Variants in GPR27 observed in about 807,000 individuals in gnomAD.
GPR27 encodes probable G protein-coupled receptor 27.
A neutral mutation model predicts 2.4 loss-of-function variants in GPR27; 3 were observed. That is an observed-to-expected ratio of 1.23 (90% confidence interval 0.56 to 3.18). GPR27 has a LOEUF of 3.18. GPR27 is among the 30% of genes most tolerant of loss of function. The pLI, the probability that GPR27 is intolerant of heterozygous loss-of-function variation, is 0.03. For missense variants in GPR27, 526 were observed against 566.1 expected, an observed-to-expected ratio of 0.93 and a Z score of 0.72; for synonymous variants, 367 against 296.4, an observed-to-expected ratio of 1.24 and a Z score of -2.45.
chr3:71,754,114 T>C lies in GPR27; in HGVS notation c.65T>C (p.Leu22Pro), dbSNP rs368814433. 2.8e-6 allele frequency: 4 copies of C among 1,413,648 alleles called. No homozygotes were observed. The highest frequency in any genetic ancestry group is 2.5e-4 in the Middle Eastern group (1 of 3,928). The allele number at this position is 1,413,648 out of a possible 1,614,324, so 87.6% of individuals were successfully genotyped here. Reference sequence around the variant, plus strand: ...GAGGCGGCCGCCCTGGGCCTCAAGCTGGCCACGCTCAGCCTGCTGCTGTGC... The same window carrying C: ...GAGGCGGCCGCCCTGGGCCTCAAGCCGGCCACGCTCAGCCTGCTGCTGTGC... ...GGEAAALGLK[L>P]ATLSLLLCVS... The change falls in exon 1 of 1, where the codon CTG becomes CCG. Residue 22 changes from leucine to proline, a missense_variant. By Grantham distance (98) the Leu-to-Pro change is moderately conservative (BLOSUM62 -3). This residue lies in a region of GPR27 where 312 missense variants were observed against 318.4 expected (regional missense o/e 0.98). Transcript: ENST00000304411. The surrounding 1 kb of genome is among the most constrained non-coding windows in gnomAD (Gnocchi z 5.8).
In GPR27 at chr3:71,755,256, C is replaced by A; in HGVS notation, c.*79C>A. On this transcript the variant is annotated 3_prime_UTR_variant, in exon 1 of 1. Transcript: ENST00000304411. The stretch of plus-strand genomic sequence containing the variant: ...GTGACGTTGTATCTTTTCCTTCTGG[C>A]CCCTGTTTAATTTTCTAAGCTGCCT... The A allele has an allele frequency of 8.5e-7, 1 of 1,179,458 alleles. No homozygotes were observed. Among genetic ancestry groups the A allele is most frequent in the Non-Finnish European group, 1.2e-6 (1 of 853,440 alleles). 73.1% of individuals were successfully genotyped at this position (1,179,458 alleles called of 1,614,324 possible). A position where few individuals can be genotyped will look rare whatever the true frequency, so the allele number is the denominator to read the frequency against.
At position 71,754,430 on chromosome 3, in the gene GPR27, C is replaced by T. The variant is rs748718361; in HGVS notation, c.381C>T (p.His127=). 26 of 1,359,144 alleles carry T rather than the reference C, an allele frequency of 1.9e-5. No individual in the cohort carries two copies. The African/African-American group carries it at 3.5e-4, about 18-fold the overall frequency. The allele number at this position is 1,359,144 out of a possible 1,614,324, so 84.2% of individuals were successfully genotyped here. ...GVTRYLAIAH[H]RFYAERLAGW... ...CCCGCTACCTGGCCATCGCGCACCA[C>T]CGCTTCTATGCAGAGCGCCTGGCCG... Residue 127 remains histidine (H), a synonymous_variant, in exon 1 of 1, where the codon CAC becomes CAT. Transcript: ENST00000304411. This position sits in a 1 kb window ranked among gnomAD's most constrained non-coding sequence, Gnocchi z 5.8.
rs1253085066 is a variant in GPR27, at chr3:71,755,398, G to T, written c.*221G>T. 3 of 556,574 alleles carry T rather than the reference G, an allele frequency of 5.4e-6. No individual in the cohort carries two copies. Among genetic ancestry groups the T allele is most frequent in the Non-Finnish European group, 9.5e-6 (3 of 314,636 alleles). 34.5% of individuals were successfully genotyped at this position (556,574 alleles called of 1,614,324 possible). The stretch of plus-strand genomic sequence containing the variant: ...CTCCGCACATTCGTCCTCCTAACTC[G>T]ACTTTCTTCCTGACAATAGGCCCTG... On this transcript the variant is annotated 3_prime_UTR_variant, in exon 1 of 1. Coordinates refer to ENST00000304411, the MANE Select transcript of GPR27 (RefSeq NM_018971.3).
chr3:71,754,143 A>T lies in GPR27; in HGVS notation c.94A>T (p.Ser32Cys), dbSNP rs890435421. The change falls in exon 1 of 1, where the codon AGC (serine) becomes TGC (cysteine). Residue 32 changes from serine (S) to cysteine (C), a missense_variant. Around this residue, in one of 3 missense-constraint regions of GPR27, gnomAD observed 312 missense variants for 318.4 expected, o/e 0.98. Coordinates refer to ENST00000304411, the MANE Select transcript of GPR27 (RefSeq NM_018971.3). This position sits in a 1 kb window ranked among gnomAD's most constrained non-coding sequence, Gnocchi z 5.8. Reference sequence around the variant, plus strand: ...CACGCTCAGCCTGCTGCTGTGCGTGAGCCTAGCGGGCAACGTGCTGTTCGC... The same window carrying T: ...CACGCTCAGCCTGCTGCTGTGCGTGTGCCTAGCGGGCAACGTGCTGTTCGC... ...LATLSLLLCVSLAGNVLFALL... is the reference protein window; with the variant it reads ...LATLSLLLCVCLAGNVLFALL... The T allele has an allele frequency of 6.9e-7, 1 of 1,456,482 alleles. No homozygotes were observed. The highest frequency in any genetic ancestry group is 9.1e-7 in the Non-Finnish European group (1 of 1,096,760). The allele number at this position is 1,456,482 out of a possible 1,614,324, so 90.2% of individuals were successfully genotyped here.
At position 71,755,043 on chromosome 3, in the gene GPR27, G is replaced by A. The variant is rs1233182499; in HGVS notation, c.994G>A (p.Gly332Ser). Residue 332 changes from glycine (G) to serine (S), a missense_variant, in exon 1 of 1, where the codon GGC becomes AGC. This residue lies in a region of GPR27 where 116 missense variants were observed against 100.9 expected (regional missense o/e 1.15). Transcript: ENST00000304411. ...CGTGTGGCTGACCTTCGCGCAGGCC[G>A]GCATCAACCCCGTCGTGTGCTTCCT... ...ASVWLTFAQAGINPVVCFLFN... is the reference protein window; with the variant it reads ...ASVWLTFAQASINPVVCFLFN... 9.3e-6 allele frequency: 15 copies of A among 1,612,222 alleles called. No individual in the cohort carries two copies. The highest frequency in any genetic ancestry group is 1.1e-5 in the Non-Finnish European group (13 of 1,179,976).
rs1283913701 is a variant in GPR27 at position 71,755,058 on chromosome 3, G to T, written c.1009G>T (p.Val337Leu). The part of the protein sequence containing the change: ...TFAQAGINPV[V>L]CFLFNRELRD... The stretch of plus-strand genomic sequence containing the variant: ...CGCGCAGGCCGGCATCAACCCCGTC[G>T]TGTGCTTCCTCTTCAACAGGGAGCT... The change falls in exon 1 of 1, where the codon GTG becomes TTG. Residue 337 changes from valine (V) to leucine (L), a missense_variant. Val to Leu is a conservative substitution (Grantham distance 32, BLOSUM62 1). This residue lies in a region of GPR27 where 116 missense variants were observed against 100.9 expected (regional missense o/e 1.15). Transcript: ENST00000304411. 1 of 1,611,844 alleles carries T rather than the reference G, an allele frequency of 6.2e-7. No individual in the cohort carries two copies. The highest frequency in any genetic ancestry group is 1.7e-5 in the Admixed American group (1 of 60,000).
In GPR27 at chr3:71,754,427, C is replaced by T; in HGVS notation, c.378C>T (p.His126=). The change falls in exon 1 of 1, where the codon CAC becomes CAT. Residue 126 remains histidine, a synonymous_variant. Transcript: ENST00000304411. This position sits in a 1 kb window ranked among gnomAD's most constrained non-coding sequence, Gnocchi z 5.8. ...VGVTRYLAIA[H]HRFYAERLAG... ...TCACCCGCTACCTGGCCATCGCGCA[C>T]CACCGCTTCTATGCAGAGCGCCTGG... 1 of 1,358,874 alleles carries T rather than the reference C, an allele frequency of 7.4e-7. No individual in the cohort carries two copies. Among genetic ancestry groups the T allele is most frequent in the Non-Finnish European group, 9.5e-7 (1 of 1,048,020 alleles). The allele number at this position is 1,358,874 out of a possible 1,614,324, so 84.2% of individuals were successfully genotyped here.
chr3:71,754,334 C>T lies in GPR27; in HGVS notation c.285C>T (p.Cys95=), dbSNP rs753481048. The change falls in exon 1 of 1, where the codon TGC becomes TGT. Residue 95 remains cysteine, a synonymous_variant. Transcript: ENST00000304411. The surrounding 1 kb of genome is among the most constrained non-coding windows in gnomAD (Gnocchi z 5.8). ...GGGCGCCGCCGGGCGCGCTGGGCTGCAAGCTGCTCGCCTTCCTGGCCGCGC... is the reference window on the plus strand; with the variant it reads ...GGGCGCCGCCGGGCGCGCTGGGCTGTAAGCTGCTCGCCTTCCTGGCCGCGC... ...AAGAPPGALG[C]KLLAFLAALF... 13 of 1,267,248 alleles carry T rather than the reference C, an allele frequency of 1.0e-5. No individual in the cohort carries two copies. The South Asian group carries it at 3.0e-4, about 29-fold the overall frequency. The allele number at this position is 1,267,248 out of a possible 1,614,324, so 78.5% of individuals were successfully genotyped here. A position where few individuals can be genotyped will look rare whatever the true frequency, so the allele number is the denominator to read the frequency against.
chr3:71,756,327 A>G lies in GPR27; in HGVS notation c.*1150A>G, dbSNP rs978336987. 2 of 152,222 alleles carry G rather than the reference A, an allele frequency of 1.3e-5. No individual in the cohort carries two copies. Among genetic ancestry groups the G allele is most frequent in the African/African-American group, 4.8e-5 (2 of 41,466 alleles). 9.4% of individuals were successfully genotyped at this position (152,222 alleles called of 1,614,324 possible). ...TAATGAGAACTATAATTTAAATAAT[A>G]TTTCTTTGTTAGACATTATAATGTT... On this transcript the variant is annotated 3_prime_UTR_variant, in exon 1 of 1. Coordinates refer to ENST00000304411, the MANE Select transcript of GPR27 (RefSeq NM_018971.3).
In GPR27 at chr3:71,754,227, C is replaced by T; in HGVS notation, c.178C>T (p.Leu60=). 7.5e-7 allele frequency: 1 copy of T among 1,338,130 alleles called. No homozygotes were observed. The highest frequency in any genetic ancestry group is 1.6e-5 in the South Asian group (1 of 62,650). 82.9% of individuals were successfully genotyped at this position (1,338,130 alleles called of 1,614,324 possible). A position where few individuals can be genotyped will look rare whatever the true frequency, so the allele number is the denominator to read the frequency against. ...HRAPYYLLLD[L]CLADGLRALA... ...CGCCCCGTACTACCTGCTGCTCGAC[C>T]TGTGCCTGGCCGACGGGCTGCGCGC... The change falls in exon 1 of 1, where the codon CTG becomes TTG. Residue 60 remains leucine, a synonymous_variant. Transcript: ENST00000304411. This position sits in a 1 kb window ranked among gnomAD's most constrained non-coding sequence, Gnocchi z 5.8.
rs754355056 is a variant in GPR27, at chr3:71,755,191, A to T, written c.*14A>T. 6.4e-7 allele frequency: 1 copy of T among 1,569,482 alleles called. No individual in the cohort carries two copies. The highest frequency in any genetic ancestry group is 8.6e-7 in the Non-Finnish European group (1 of 1,158,490). ...ATTGGTTTATGAGGGAGGCCCCGCC[A>T]CATAGACCCCCAACCCAGCCTTTCC... On this transcript the variant is annotated 3_prime_UTR_variant, in exon 1 of 1. Coordinates refer to ENST00000304411, the MANE Select transcript of GPR27 (RefSeq NM_018971.3).
rs1033736119 is a variant in GPR27 at position 71,756,130 on chromosome 3, C to T, written c.*953C>T. ...GAAATGGCTTGTGCTTTGAGAAGCC[C>T]AGTTTTATTCTGTCTTATGAAACTA... On this transcript the variant is annotated 3_prime_UTR_variant, in exon 1 of 1. Coordinates refer to ENST00000304411, the MANE Select transcript of GPR27 (RefSeq NM_018971.3). 3 of 152,018 alleles carry T rather than the reference C, an allele frequency of 2.0e-5. No individual in the cohort carries two copies. Among genetic ancestry groups the T allele is most frequent in the Non-Finnish European group, 4.4e-5 (3 of 68,020 alleles). The allele number at this position is 152,018 out of a possible 1,614,324, so 9.4% of individuals were successfully genotyped here. A position where few individuals can be genotyped will look rare whatever the true frequency, so the allele number is the denominator to read the frequency against.
In GPR27 at chr3:71,755,058, G is replaced by A. The variant is rs1283913701; in HGVS notation, c.1009G>A (p.Val337Met). ...CGCGCAGGCCGGCATCAACCCCGTC[G>A]TGTGCTTCCTCTTCAACAGGGAGCT... Reference protein sequence around the residue: ...TFAQAGINPVVCFLFNRELRD... With the variant: ...TFAQAGINPVMCFLFNRELRD... Residue 337 changes from valine to methionine, a missense_variant, in exon 1 of 1, where the codon GTG becomes ATG. Val to Met is a conservative substitution (Grantham distance 21, BLOSUM62 1). Coordinates refer to ENST00000304411, the MANE Select transcript of GPR27 (RefSeq NM_018971.3). 3 of 1,611,726 alleles carry A rather than the reference G, an allele frequency of 1.9e-6. No individual in the cohort carries two copies. The highest frequency in any genetic ancestry group is 1.3e-5 in the African/African-American group (1 of 74,886).
Position 71,754,510 on chromosome 3 carries a change from C to T in GPR27, c.461C>T (p.Ala154Val). The T allele has an allele frequency of 3.9e-6, 5 of 1,292,144 alleles. No individual in the cohort carries two copies. The highest frequency in any genetic ancestry group is 4.9e-6 in the Non-Finnish European group (5 of 1,021,750). 80.0% of individuals were successfully genotyped at this position (1,292,144 alleles called of 1,614,324 possible). A position where few individuals can be genotyped will look rare whatever the true frequency, so the allele number is the denominator to read the frequency against. Reference sequence around the variant, plus strand: ...GCCGCCTGGGCGCTGGCGCTGGCCGCGGCCTTCCCGCCAGTGCTGGACGGC... The same window carrying T: ...GCCGCCTGGGCGCTGGCGCTGGCCGTGGCCTTCCCGCCAGTGCTGGACGGC... The part of the protein sequence containing the change: ...VCAAWALALA[A>V]AFPPVLDGGG... The change falls in exon 1 of 1, where the codon GCG becomes GTG. Residue 154 changes from alanine to valine, a missense_variant. Ala to Val is a moderately conservative substitution (Grantham distance 64, BLOSUM62 0). Coordinates refer to ENST00000304411, the MANE Select transcript of GPR27 (RefSeq NM_018971.3). This position sits in a 1 kb window ranked among gnomAD's most constrained non-coding sequence, Gnocchi z 5.8.
chr3:71,754,645 T>C lies in GPR27; in HGVS notation c.596T>C (p.Leu199Pro). 1 of 1,491,824 alleles carries C rather than the reference T, an allele frequency of 6.7e-7. No homozygotes were observed. Among genetic ancestry groups the C allele is most frequent in the Admixed American group, 2.1e-5 (1 of 48,186 alleles). The allele number at this position is 1,491,824 out of a possible 1,614,324, so 92.4% of individuals were successfully genotyped here. The change falls in exon 1 of 1, where the codon CTC becomes CCC. Residue 199 changes from leucine (L) to proline (P), a missense_variant. Transcript: ENST00000304411. The surrounding 1 kb of genome is among the most constrained non-coding windows in gnomAD (Gnocchi z 5.8). ...GCCGTGGTGGTGGGCGCCACGCACCTCGTCTACCTCCGCCTGCTCTTCTTC... is the reference window on the plus strand; with the variant it reads ...GCCGTGGTGGTGGGCGCCACGCACCCCGTCTACCTCCGCCTGCTCTTCTTC... The part of the protein sequence containing the change: ...LLAVVVGATH[L>P]VYLRLLFFIH...
rs780857132 is a variant in GPR27 at position 71,755,489 on chromosome 3, A to C, written c.*312A>C. 1 of 317,880 alleles carries C rather than the reference A, an allele frequency of 3.1e-6. No homozygotes were observed. 19.7% of individuals were successfully genotyped at this position (317,880 alleles called of 1,614,324 possible). A position where few individuals can be genotyped will look rare whatever the true frequency, so the allele number is the denominator to read the frequency against. Reference sequence around the variant, plus strand: ...GTGGTTCCTTTTTTTCTTTTTCTATAAAGGCTGTACTAATTTTCTTCATGC... The same window carrying C: ...GTGGTTCCTTTTTTTCTTTTTCTATCAAGGCTGTACTAATTTTCTTCATGC... On this transcript the variant is annotated 3_prime_UTR_variant, in exon 1 of 1. Transcript: ENST00000304411.
chr3:71,755,235 C>A lies in GPR27; in HGVS notation c.*58C>A. The A allele has an allele frequency of 7.5e-7, 1 of 1,338,570 alleles. No homozygotes were observed. The highest frequency in any genetic ancestry group is 1.0e-6 in the Non-Finnish European group (1 of 988,660). The allele number at this position is 1,338,570 out of a possible 1,614,324, so 82.9% of individuals were successfully genotyped here. A position where few individuals can be genotyped will look rare whatever the true frequency, so the allele number is the denominator to read the frequency against. On this transcript the variant is annotated 3_prime_UTR_variant, in exon 1 of 1. Transcript: ENST00000304411. Reference sequence around the variant, plus strand: ...CCTTTCCCTTTGGCTCGGACGGTGACGTTGTATCTTTTCCTTCTGGCCCCT... The same window carrying A: ...CCTTTCCCTTTGGCTCGGACGGTGAAGTTGTATCTTTTCCTTCTGGCCCCT...
At position 71,755,141 on chromosome 3, in the gene GPR27, G is replaced by T. The variant is rs574790358; in HGVS notation, c.1092G>T (p.Ala364=). ...GCCAGAGCCCCCGGACCACCCAGGCGACCCATCCCTGCGACCTGAAAGGCA... is the reference window on the plus strand; with the variant it reads ...GCCAGAGCCCCCGGACCACCCAGGCTACCCATCCCTGCGACCTGAAAGGCA... ...PCCQSPRTTQ[A]THPCDLKGIG... Residue 364 remains alanine, a synonymous_variant, in exon 1 of 1, where the codon GCG becomes GCT. Coordinates refer to ENST00000304411, the MANE Select transcript of GPR27 (RefSeq NM_018971.3). 34 of 1,607,940 alleles carry T rather than the reference G, an allele frequency of 2.1e-5. No individual in the cohort carries two copies. The highest frequency in any genetic ancestry group is 2.7e-5 in the Non-Finnish European group (32 of 1,179,380).
rs2108174737 is a variant in GPR27 at position 71,754,314 on chromosome 3, C to T, written c.265C>T (p.Pro89Ser). Residue 89 changes from proline to serine, a missense_variant, in exon 1 of 1, where the codon CCG (proline) becomes TCG (serine). By Grantham distance (74) the Pro-to-Ser change is moderately conservative. Around this residue, in one of 3 missense-constraint regions of GPR27, gnomAD observed 312 missense variants for 318.4 expected, o/e 0.98. Coordinates refer to ENST00000304411, the MANE Select transcript of GPR27 (RefSeq NM_018971.3). The surrounding 1 kb of genome is among the most constrained non-coding windows in gnomAD (Gnocchi z 5.8). ...GCGTGCGGCGGCCGCGGCGGGGGCG[C>T]CGCCGGGCGCGCTGGGCTGCAAGCT... ...ARRAAAAAGA[P>S]PGALGCKLLA... The T allele has an allele frequency of 8.6e-7, 1 of 1,160,684 alleles. No individual in the cohort carries two copies. The allele number at this position is 1,160,684 out of a possible 1,614,324, so 71.9% of individuals were successfully genotyped here.
Sources: allele counts gnomAD v4.1 joint callset, GRCh38; gene constraint gnomAD v4.1.1; regional missense constraint gnomAD v4.1.1; non-coding constraint Gnocchi (gnomAD v3.1); transcripts MANE v1.5; gene names NCBI Gene and HGNC (gene_info 2026-07-23, HGNC 2026-07-21).